Variants in PRPF40B observed in about 807,000 individuals in gnomAD.
PRPF40B encodes the protein pre-mRNA-processing factor 40 homolog B.
In PRPF40B, 56 loss-of-function variants were observed where a neutral mutation model predicts 124.5. That is an observed-to-expected ratio of 0.45 (90% confidence interval 0.36 to 0.56). The LOEUF is 0.56. Among genes scored for constraint, PRPF40B ranks in the 20% least tolerant of loss-of-function variants. The pLI, the probability that PRPF40B is intolerant of heterozygous loss-of-function variation, is 0.00. For synonymous variants in PRPF40B, 443 were observed against 426.4 expected (o/e 1.04, Z -0.48); for missense variants, 1,053 against 1,169.5 (o/e 0.90, Z 1.45).
chr12:49,623,258 C>A (rs1308163528), upstream of PRPF40B, among the ~76,000 whole-genome samples: 3 of 151,866 alleles, frequency 2.0e-5, no homozygotes, highest in Non-Finnish European at 4.4e-5. Flanking sequence ...CCGGCGACTG[C>A]GAAGCCAGGA....
chr12:49,642,439 GC>G lies in PRPF40B; in HGVS notation c.2022+70del. 1 of 1,582,510 alleles carries G rather than the reference GC, an allele frequency of 6.3e-7. No individual in the cohort carries two copies. Among genetic ancestry groups the G allele is most frequent in the Non-Finnish European group, 8.7e-7 (1 of 1,154,114 alleles). On this transcript the variant is annotated intron_variant, in intron 20 of 25. Coordinates refer to ENST00000548825, the MANE Select transcript of PRPF40B (RefSeq NM_001031698.3). This position sits in a 1 kb window ranked among gnomAD's most constrained non-coding sequence, Gnocchi z 5.8. ...GGGCAGCGGTGCTTCACCACTGAGGGCCCACCCCAGTCACGTCACAGCCCTG... is the reference window on the plus strand; with the variant it reads ...GGGCAGCGGTGCTTCACCACTGAGGGCCACCCCAGTCACGTCACAGCCCTG...
At position 49,628,735 on chromosome 12, in the gene PRPF40B, T is replaced by C. The variant is rs558152659; in HGVS notation, c.4-1810T>C. ...CTGCCACCACGCCTGGCTAATTTTG[T>C]TTTTGTATTTTTAGTAGAGACAGGA... On this transcript the variant is annotated intron_variant, in intron 1 of 25. Transcript: ENST00000548825. Among the ~76,000 whole-genome samples, 19 of 151,790 alleles carry C rather than the reference T, an allele frequency of 1.3e-4. No homozygotes were observed. The East Asian group carries it at 3.5e-3, about 28-fold the overall frequency.
At chr12:49,624,785 T>C (rs908784419) in intron 1 of PRPF40B, among the ~76,000 whole-genome samples, 1 of 146,160 alleles carries the variant, frequency 6.8e-6, no homozygotes, top group African/African-American at 2.6e-5. Flanking sequence ...GCAGAGGTTG[T>C]GGTGAGCTGA....
At chr12:49,637,938 T>TGG in intron 18 of PRPF40B, 114 bp downstream of exon 18, 1 of 806,894 alleles carries the variant, frequency 1.2e-6, no homozygotes, top group African/African-American at 1.7e-5. Flanking sequence ...GTTCAGCAGA[T>TGG]ATCTACTGTG....
At position 49,643,999 on chromosome 12, in the gene PRPF40B, G is replaced by C; in HGVS notation, c.2581G>C (p.Glu861Gln). ...TTCCCCAGGCTTTGGAATCAAGAAG[G>C]AGAAGGTGAGGGGCAGGGGCCCTAG... ...NRSPGFGIKK[E>Q]KTGWDTSESE... Residue 861 changes from glutamate to glutamine, a missense_variant, in exon 25 of 26, where the codon GAG becomes CAG. Glu to Gln is a conservative substitution (Grantham distance 29). Transcript: ENST00000548825. 6.2e-7 allele frequency: 1 copy of C among 1,614,014 alleles called. No individual in the cohort carries two copies. The highest frequency in any genetic ancestry group is 8.5e-7 in the Non-Finnish European group (1 of 1,180,018).
chr12:49,634,055 CAG>C lies in PRPF40B; in HGVS notation c.776_777del (p.Gln259ArgfsTer79), dbSNP rs1335201705. ...DVLEATQPLE[Q>X]GFLQQLEEGP... ...GTTGGAGGCCACCCAGCCCCTGGAACAGGGGTTCCTGCAGCAGCTGGAGGAGG... is the reference window on the plus strand; with the variant it reads ...GTTGGAGGCCACCCAGCCCCTGGAACGGGTTCCTGCAGCAGCTGGAGGAGG... On this transcript the variant is annotated frameshift_variant, in exon 10 of 26. Coordinates refer to ENST00000548825, the MANE Select transcript of PRPF40B (RefSeq NM_001031698.3). LOFTEE classifies it high-confidence loss of function. 4 of 1,613,606 alleles carry C rather than the reference CAG, an allele frequency of 2.5e-6. No homozygotes were observed. The highest frequency in any genetic ancestry group is 3.4e-6 in the Non-Finnish European group (4 of 1,179,898).
intron 1 of PRPF40B, among the ~76,000 whole-genome samples, chr12:49,627,411 C>G (rs958404570): frequency 1.3e-5 from 2 of 152,082 alleles, no homozygotes; most frequent in African/African-American, 4.8e-5. Context: ...CGGGCTCTGA[C>G]TAGTTCAGGG....
In PRPF40B at chr12:49,642,731, T is replaced by C. The variant is rs1942843589; in HGVS notation, c.2118+56T>C. Reference sequence around the variant, plus strand: ...CAGGCCCTTGAACTCATTAGACCAGTTCAACAGAGACCTCAGTGGCCTCCC... The same window carrying C: ...CAGGCCCTTGAACTCATTAGACCAGCTCAACAGAGACCTCAGTGGCCTCCC... On this transcript the variant is annotated intron_variant, in intron 21 of 25. Transcript: ENST00000548825. This position sits in a 1 kb window ranked among gnomAD's most constrained non-coding sequence, Gnocchi z 5.8. 1 of 1,564,524 alleles carries C rather than the reference T, an allele frequency of 6.4e-7. No homozygotes were observed. Among genetic ancestry groups the C allele is most frequent in the East Asian group, 2.3e-5 (1 of 42,854 alleles).
chr12:49,644,170 A>T lies in PRPF40B; in HGVS notation c.2657A>T (p.Gln886Leu). ...ELERRRRTLL[Q>L]QLDDHQ is the part of the protein sequence containing the mutation. ...GAGAGGCGGCGGCGGACACTCCTAC[A>T]GCAGCTGGATGATCACCAGTGACCC... is the stretch of plus-strand genomic sequence containing the variant. Residue 886 changes from glutamine (Q) to leucine (L), a missense_variant, in exon 26 of 26, where the codon CAG becomes CTG. Gln to Leu is a moderately radical substitution (Grantham distance 113). Around this residue, in one of 2 missense-constraint regions of PRPF40B, gnomAD observed 895 missense variants for 1,052.2 expected, o/e 0.85. Coordinates refer to ENST00000548825, the MANE Select transcript of PRPF40B (RefSeq NM_001031698.3). 2 of 1,614,118 alleles carry T rather than the reference A, an allele frequency of 1.2e-6. No individual in the cohort carries two copies. The highest frequency in any genetic ancestry group is 1.7e-6 in the Non-Finnish European group (2 of 1,180,034).
upstream of PRPF40B, chr12:49,623,490 G>A (rs1458096027): frequency 2.5e-6 from 3 of 1,204,766 alleles, no homozygotes; most frequent in Non-Finnish European, 3.1e-6. Flanking sequence ...GAAGGGGTGC[G>A]ACCCCCCGCC....
chr12:49,638,665 G>C (rs996381545), intron 18 of PRPF40B: 1 of 152,248 alleles, frequency 6.6e-6, no homozygotes, highest in Non-Finnish European at 1.5e-5. Context: ...CATTTGAGGA[G>C]ATAATACAGT....
At chr12:49,624,055 C>T in intron 1 of PRPF40B, 11 of 990,784 alleles carry the variant, frequency 1.1e-5, no homozygotes, top group Non-Finnish European at 1.3e-5. Flanking sequence ...TGGGGACTCC[C>T]TGCTTCACCT....
chr12:49,636,145 G>A (rs879571770), intron 15 of PRPF40B, 152 bp downstream of exon 15: 1 of 958,600 alleles, frequency 1.0e-6, no homozygotes, highest in Non-Finnish European at 1.5e-6. Context: ...TACCTCTTTG[G>A]ACTCCGGGGA....
At chr12:49,629,940 T>C (rs1471108942) in intron 1 of PRPF40B, among the ~76,000 whole-genome samples, 1 of 152,058 alleles carries the variant, frequency 6.6e-6, no homozygotes, top group Non-Finnish European at 1.5e-5. Context: ...AGAGATGAAG[T>C]TGGCGATTGG....
intron 11 of PRPF40B, 37 bp from the exon 12 acceptor site, chr12:49,634,501 G>A (rs778374572): frequency 1.1e-5 from 18 of 1,614,078 alleles, no homozygotes; most frequent in Middle Eastern, 1.6e-4. Flanking sequence ...GGGCTGGAGC[G>A]GGGCAGGCCC....
At position 49,643,996 on chromosome 12, in the gene PRPF40B, AAGG is replaced by A. The variant is rs761119539; in HGVS notation, c.2581_2583del (p.Glu861del). ...CCGTTCCCCAGGCTTTGGAATCAAGAAGGAGAAGGTGAGGGGCAGGGGCCCTAG... is the reference window on the plus strand; with the variant it reads ...CCGTTCCCCAGGCTTTGGAATCAAGAAGAAGGTGAGGGGCAGGGGCCCTAG... On this transcript the variant is annotated inframe_deletion, in exon 25 of 26. Transcript: ENST00000548825. 76 of 1,614,138 alleles carry A rather than the reference AAGG, an allele frequency of 4.7e-5. No individual in the cohort carries two copies. The South Asian group carries it at 6.9e-4, about 15-fold the overall frequency.
chr12:49,641,702 G>T (rs1942676860), intron 18 of PRPF40B: 5 of 581,178 alleles, frequency 8.6e-6, no homozygotes, highest in Non-Finnish European at 1.5e-5. Context: ...TCAGCTCTGT[G>T]TGACATCCAA....
In PRPF40B at chr12:49,631,564, TG is replaced by T; in HGVS notation, c.228+24del. On this transcript the variant is annotated intron_variant, in intron 3 of 25. Coordinates refer to ENST00000548825, the MANE Select transcript of PRPF40B (RefSeq NM_001031698.3). The surrounding 1 kb of genome is among the most constrained non-coding windows in gnomAD (Gnocchi z 4.3). The stretch of plus-strand genomic sequence containing the variant: ...ACACAGGTAATTGTCTCTCCTCCCC[TG>T]GGGCCTCAGAAAACCCTGTCAGTTT... The T allele has an allele frequency of 6.5e-7, 1 of 1,543,710 alleles. No homozygotes were observed. Among genetic ancestry groups the T allele is most frequent in the Non-Finnish European group, 8.7e-7 (1 of 1,149,622 alleles).
chr12:49,643,914 T>C lies in PRPF40B; in HGVS notation c.2496T>C (p.Asp832=), dbSNP rs954969064. The C allele has an allele frequency of 2.5e-6, 4 of 1,613,780 alleles. No individual in the cohort carries two copies. The highest frequency in any genetic ancestry group is 1.3e-5 in the African/African-American group (1 of 74,810). ...AGGAGAAAGCTGGCAAGGAGAGCGA[T>C]GAGAAAGAACAAGAACAGGACAAGG... The part of the protein sequence containing the change: ...DPEEKAGKES[D]EKEQEQDKDR... Residue 832 remains aspartate (D), a synonymous_variant, in exon 25 of 26, where the codon GAT becomes GAC. Transcript: ENST00000548825.
Sources: gnomAD v4.1 joint callset for allele counts (sites outside exome capture counted in the v4.1 genomes callset) on GRCh38, gnomAD v4.1.1 for gene constraint, gnomAD v4.1.1 regional missense constraint, Gnocchi (gnomAD v3.1) non-coding constraint, MANE v1.5 for transcripts, NCBI Gene and HGNC (gene_info 2026-07-23, HGNC 2026-07-21) for gene names.